Variants in UPB1 observed in about 807,000 individuals in gnomAD.
UPB1 encodes the protein beta-ureidopropionase 1, also known as beta-ureidopropionase.
UPB1 carries 40 observed loss-of-function variants against 49.1 expected under a neutral mutation model. The ratio of observed to expected loss-of-function variants is 0.81; its 90% CI spans 0.63 to 1.06. The LOEUF (loss-of-function observed/expected upper bound fraction) is 1.06, where lower values mean the gene tolerates loss of function less well. Among genes scored for constraint, UPB1 ranks in the 50% least tolerant of loss-of-function variants. The probability of loss-of-function intolerance (pLI) is 0.00; values close to 1 mark genes in which losing one functional copy is unlikely to be tolerated. For missense variants in UPB1, 499 were observed against 505.9 expected, an observed-to-expected ratio of 0.99 and a Z score of 0.13; for synonymous variants, 207 against 198.2, an observed-to-expected ratio of 1.04 and a Z score of -0.38.
chr22:24,505,868 A>G (rs2044080553), intron 3 of UPB1, among the ~76,000 whole-genome samples: 1 of 150,902 alleles, frequency 6.6e-6, no homozygotes, highest in East Asian at 1.9e-4. Flanking sequence ...CCGTGCCACC[A>G]TGCCTGCCTG....
intron 6 of UPB1, among the ~76,000 whole-genome samples, chr22:24,519,051 T>C (rs2044343783): frequency 6.6e-6 from 1 of 152,202 alleles, no homozygotes; most frequent in Non-Finnish European, 1.5e-5. Flanking sequence ...GAATTGCAAC[T>C]AAGATGTTTA....
At chr22:24,511,601 T>TAC (rs2044202971) in intron 4 of UPB1, among the ~76,000 whole-genome samples, 1 of 129,928 alleles carries the variant, frequency 7.7e-6, no homozygotes, top group Admixed American at 7.9e-5. Context: ...CTGTGAATTA[T>TAC]ATATATATAT....
chr22:24,509,490 C>G (rs1301305303), intron 3 of UPB1, among the ~76,000 whole-genome samples: 1 of 150,916 alleles, frequency 6.6e-6, no homozygotes, highest in Non-Finnish European at 1.5e-5. Context: ...TTAATCCTTG[C>G]AGATGTTCAT....
At chr22:24,515,748 G>A (rs1049684821) in intron 6 of UPB1, among the ~76,000 whole-genome samples, 12 of 152,208 alleles carry the variant, frequency 7.9e-5, no homozygotes, top group African/African-American at 2.9e-4. Context: ...GGCCGAAGCA[G>A]GTGGATCACT....
At chr22:24,519,424 A>G (rs1489281812) in intron 6 of UPB1, among the ~76,000 whole-genome samples, 1 of 152,118 alleles carries the variant, frequency 6.6e-6, no homozygotes, top group Non-Finnish European at 1.5e-5. Context: ...AAAGATAATT[A>G]GTGACAAGAA....
chr22:24,520,462 G>A lies in UPB1; in HGVS notation c.867G>A (p.Val289=). ...NHCFTCAINR[V]GTEHFPNEFT... is the part of the protein sequence containing the mutation. ...GCTTCACCTGCGCCATCAATCGAGT[G>A]GGCACCGTAAGTCCCGAGGTCTGGC... Residue 289 remains valine (V), a synonymous_variant, in exon 7 of 10, where the codon GTG becomes GTA. Coordinates refer to ENST00000326010, the MANE Select transcript of UPB1 (RefSeq NM_016327.3). 6.2e-7 allele frequency: 1 copy of A among 1,613,826 alleles called. No individual in the cohort carries two copies. The highest frequency in any genetic ancestry group is 8.5e-7 in the Non-Finnish European group (1 of 1,179,884).
rs572834403 is a variant in UPB1 at position 24,496,531 on chromosome 22, G to T, written c.104+1024G>T. Among the ~76,000 whole-genome samples, 9 of 152,270 alleles carry T rather than the reference G, an allele frequency of 5.9e-5. No homozygotes were observed. The South Asian group carries it at 1.7e-3, about 28-fold the overall frequency. ...CCCTTTTTCCAAATAAAATCACAAT[G>T]ACAGGTTCCAGGTGTCAGGATGGAG... On this transcript the variant is annotated intron_variant, in intron 1 of 9. Coordinates refer to ENST00000326010, the MANE Select transcript of UPB1 (RefSeq NM_016327.3).
At chr22:24,522,770 A>G (rs894294010) in intron 8 of UPB1, among the ~76,000 whole-genome samples, 2 of 122,152 alleles carry the variant, frequency 1.6e-5, no homozygotes, top group African/African-American at 3.4e-5. Flanking sequence ...AGTCTCTACT[A>G]AAAAAAAAAA....
intron 8 of UPB1, among the ~76,000 whole-genome samples, chr22:24,523,117 C>T (rs576543222): frequency 4.9e-4 from 74 of 152,250 alleles, no homozygotes; most frequent in Non-Finnish European, 8.4e-4. Flanking sequence ...GGGGAATGAG[C>T]GTCCACTGGG....
rs899231009 is a variant in UPB1 at position 24,526,823 on chromosome 22, G to T, written c.*1029G>T. The T allele has an allele frequency of 6.6e-6, 1 of 152,170 alleles. No individual in the cohort carries two copies. Among genetic ancestry groups the T allele is most frequent in the Non-Finnish European group, 1.5e-5 (1 of 68,034 alleles). 9.4% of individuals were successfully genotyped at this position (152,170 alleles called of 1,614,324 possible). ...CAATAGTTATTTATGTGCGAGACTA[G>T]CCATCAGCCATCAGTTTGTGCCCAG... On this transcript the variant is annotated 3_prime_UTR_variant, in exon 10 of 10. Coordinates refer to ENST00000326010, the MANE Select transcript of UPB1 (RefSeq NM_016327.3).
intron 1 of UPB1, 150 bp from the exon 2 acceptor site, chr22:24,499,957 C>T (rs1461411818): frequency 7.6e-6 from 9 of 1,182,342 alleles, no homozygotes; most frequent in Non-Finnish European, 1.1e-5. Flanking sequence ...CCACTGCTCG[C>T]CAGCTCCCTT....
rs955278740 is a variant in UPB1 at position 24,527,602 on chromosome 22, C to CA, written c.*1809dup. The CA allele has an allele frequency of 3.2e-4, 48 of 151,502 alleles. No homozygotes were observed. The highest frequency in any genetic ancestry group is 1.1e-3 in the African/African-American group (46 of 41,300). 9.4% of individuals were successfully genotyped at this position (151,502 alleles called of 1,614,324 possible). A position where few individuals can be genotyped will look rare whatever the true frequency, so the allele number is the denominator to read the frequency against. On this transcript the variant is annotated 3_prime_UTR_variant, in exon 10 of 10. Coordinates refer to ENST00000326010, the MANE Select transcript of UPB1 (RefSeq NM_016327.3). ...ATTGTTCCCAATCAGAGAAGGCAGC[C>CA]AGAGAAGGCAGCTTCATCCCTTCAC...
intron 3 of UPB1, among the ~76,000 whole-genome samples, chr22:24,509,867 C>T (rs2044165861): frequency 6.6e-6 from 1 of 152,192 alleles, no homozygotes; most frequent in South Asian, 2.1e-4. Flanking sequence ...CACCTCTACC[C>T]ATTAAACAGT....
intron 3 of UPB1, chr22:24,502,570 C>T: frequency 1.3e-6 from 1 of 770,606 alleles, no homozygotes. Context: ...AGCCCAGAGC[C>T]AGCCCCCCCA....
chr22:24,515,461 C>G, intron 6 of UPB1, 91 bp downstream of exon 6: 2 of 1,547,794 alleles, frequency 1.3e-6, no homozygotes, highest in South Asian at 1.1e-5. Context: ...TGGCAGCAGG[C>G]AGGCGCAGCC....
chr22:24,519,524 C>T (rs1013513314), intron 6 of UPB1, among the ~76,000 whole-genome samples: 1 of 152,164 alleles, frequency 6.6e-6, no homozygotes, highest in Non-Finnish European at 1.5e-5. Context: ...CGCATTCTCC[C>T]TTTGCAGGTG....
At chr22:24,520,516 C>T (rs752933914) in intron 7 of UPB1, 48 bp downstream of exon 7, 8 of 1,599,500 alleles carry the variant, frequency 5.0e-6, no homozygotes, top group Non-Finnish European at 6.0e-6. Flanking sequence ...CCTGGTGGCT[C>T]TGGTGGGGAC....
intron 3 of UPB1, among the ~76,000 whole-genome samples, chr22:24,506,116 G>T (rs996836039): frequency 5.4e-5 from 8 of 147,744 alleles, no homozygotes; most frequent in Non-Finnish European, 1.0e-4. Context: ...TGCCTCCTGG[G>T]TTCAAAAAAT....
At chr22:24,504,904 ATTTTTTTT>A (rs56198043) in intron 3 of UPB1, among the ~76,000 whole-genome samples, 40 of 109,364 alleles carry the variant, frequency 3.7e-4, no homozygotes, top group East Asian at 3.4e-3. Flanking sequence ...ATTTTCTTGA[ATTTTTTTT>A]TTTTTTTTTT....
Sources: allele counts gnomAD v4.1 joint callset (sites outside exome capture counted in the v4.1 genomes callset), GRCh38; gene constraint gnomAD v4.1.1; transcripts MANE v1.5; gene names NCBI Gene and HGNC (gene_info 2026-07-23, HGNC 2026-07-21).